MEX3D: variants seen among roughly 807,000 people sequenced by gnomAD.
The protein encoded by MEX3D is RNA-binding protein MEX3D.
Under a neutral mutation model 6.3 loss-of-function variants are expected in MEX3D, and 4 were observed. The ratio of observed to expected loss-of-function variants is 0.64; its 90% CI spans 0.31 to 1.46. The LOEUF (loss-of-function observed/expected upper bound fraction) is 1.46. Among genes scored for constraint, MEX3D ranks in the 40% most tolerant of loss-of-function variants. The pLI is 0.07. For synonymous variants in MEX3D, 626 were observed against 494.1 expected (o/e 1.27, Z -3.54); for missense variants, 1,038 against 994.4 (o/e 1.04, Z -0.59).
At chr19:1,558,760 C>CGCACCCTGACTCCAGATGCCT (rs1029247560) in intron 1 of MEX3D, among the ~76,000 whole-genome samples, 5 of 152,202 alleles carry the variant, frequency 3.3e-5, no homozygotes, top group Admixed American at 6.5e-5. Flanking sequence ...TGCAGACGCC[C>CGCACCCTGACTCCAGATGCCT]GCACCCTGAC....
In MEX3D at chr19:1,555,756, G is replaced by A. The variant is rs1477269109; in HGVS notation, c.1763C>T (p.Pro588Leu). The A allele has an allele frequency of 1.9e-5, 28 of 1,500,628 alleles. No individual in the cohort carries two copies. The highest frequency in any genetic ancestry group is 2.7e-5 in the East Asian group (1 of 37,314). 93.0% of individuals were successfully genotyped at this position (1,500,628 alleles called of 1,614,324 possible). Residue 588 changes from proline to leucine, a missense_variant, in exon 2 of 2, where the codon CCT becomes CTT. By Grantham distance (98) the Pro-to-Leu change is moderately conservative. Around this residue, in one of 5 missense-constraint regions of MEX3D, gnomAD observed 581 missense variants for 516.2 expected, o/e 1.13. Coordinates refer to ENST00000402693, the MANE Select transcript of MEX3D (RefSeq NM_203304.4). The part of the protein sequence containing the change: ...SGASENSRKP[P>L]SASSAPALAR... ...CAGGGCCGGGGCCGAGGACGCCGAA[G>A]GGGGCTTGCGGCTGTTCTCGGAGGC...
intron 1 of MEX3D, among the ~76,000 whole-genome samples, chr19:1,563,385 T>A (rs1418424600): frequency 6.6e-6 from 1 of 152,174 alleles, no homozygotes; most frequent in African/African-American, 2.4e-5. Context: ...CTGAGCAGCT[T>A]CCAGTCCAGG....
chr19:1,568,173 C>T lies in MEX3D; in HGVS notation c.-115G>A, dbSNP rs1599331015. On this transcript the variant is annotated 5_prime_UTR_variant, in exon 1 of 2. Transcript: ENST00000402693. ...GGCCGCCTGCATCCAGCGGCGGGGG[C>T]GGGCACGGGGGGCCGGGCGGGCGGG... 1 of 890,668 alleles carries T rather than the reference C, an allele frequency of 1.1e-6. No homozygotes were observed. The highest frequency in any genetic ancestry group is 5.3e-5 in the South Asian group (1 of 18,870). 55.2% of individuals were successfully genotyped at this position (890,668 alleles called of 1,614,324 possible). A position where few individuals can be genotyped will look rare whatever the true frequency, so the allele number is the denominator to read the frequency against.
chr19:1,556,311 TC>T lies in MEX3D; in HGVS notation c.1207del (p.Glu403ArgfsTer62). 1 of 1,319,376 alleles carries T rather than the reference TC, an allele frequency of 7.6e-7. No individual in the cohort carries two copies. The highest frequency in any genetic ancestry group is 9.6e-7 in the Non-Finnish European group (1 of 1,039,456). The allele number at this position is 1,319,376 out of a possible 1,614,324, so 81.7% of individuals were successfully genotyped here. ...GCCGCGGCTGCCCGCGTAGAAGGCC[TC>T]GGGGGCGCTGGGGGCGCCCAGGGCC... ...DTALGAPSAP[E>X]AFYAGSRGGP... is the part of the protein sequence containing the mutation. On this transcript the variant is annotated frameshift_variant, in exon 2 of 2. Coordinates refer to ENST00000402693, the MANE Select transcript of MEX3D (RefSeq NM_203304.4). LOFTEE classifies it low-confidence loss of function (END_TRUNC). The surrounding 1 kb of genome is among the most constrained non-coding windows in gnomAD (Gnocchi z 7.5).
chr19:1,564,732 T>C (rs1240435656), intron 1 of MEX3D, among the ~76,000 whole-genome samples: 2 of 151,778 alleles, frequency 1.3e-5, no homozygotes, highest in Admixed American at 1.3e-4. Context: ...GACTCTTGTC[T>C]AGGTGGGGAG....
chr19:1,555,200 G>A lies in MEX3D; in HGVS notation c.*363C>T. On this transcript the variant is annotated 3_prime_UTR_variant, in exon 2 of 2. Coordinates refer to ENST00000402693, the MANE Select transcript of MEX3D (RefSeq NM_203304.4). Reference sequence around the variant, plus strand: ...TTCGGACGAAAGGAAAAAACGCTGAGCGCTGGAAAAGTCGTGTTTTTTGTT... The same window carrying A: ...TTCGGACGAAAGGAAAAAACGCTGAACGCTGGAAAAGTCGTGTTTTTTGTT... 2.2e-6 allele frequency: 2 copies of A among 917,400 alleles called. No homozygotes were observed. The highest frequency in any genetic ancestry group is 1.7e-5 in the South Asian group (1 of 57,358). The allele number at this position is 917,400 out of a possible 1,614,324, so 56.8% of individuals were successfully genotyped here.
intron 1 of MEX3D, among the ~76,000 whole-genome samples, chr19:1,559,429 G>A (rs532508309): frequency 4.1e-4 from 62 of 152,066 alleles, no homozygotes; most frequent in Non-Finnish European, 7.1e-4. Flanking sequence ...CACCACGCCC[G>A]GCCTATTTTT....
At chr19:1,563,861 G>A (rs1305599336) in intron 1 of MEX3D, among the ~76,000 whole-genome samples, 1 of 152,124 alleles carries the variant, frequency 6.6e-6, no homozygotes, top group Admixed American at 6.5e-5. Flanking sequence ...AGACTGGAGA[G>A]CGGTGACAAG....
chr19:1,556,998 T>C lies in MEX3D; in HGVS notation c.596-75A>G. On this transcript the variant is annotated intron_variant, in intron 1 of 1. Transcript: ENST00000402693. The surrounding 1 kb of genome is among the most constrained non-coding windows in gnomAD (Gnocchi z 7.5). The stretch of plus-strand genomic sequence containing the variant: ...GCTCAGCCCCGCTGGGCATGCAGGC[T>C]GCAGGGCCAGTGAGGGAGCCCCTAC... 1 of 1,499,332 alleles carries C rather than the reference T, an allele frequency of 6.7e-7. No homozygotes were observed. Among genetic ancestry groups the C allele is most frequent in the Non-Finnish European group, 8.9e-7 (1 of 1,128,318 alleles). The allele number at this position is 1,499,332 out of a possible 1,614,324, so 92.9% of individuals were successfully genotyped here.
chr19:1,567,640 C>CGGG lies in MEX3D; in HGVS notation c.416_418dup (p.Pro139dup). On this transcript the variant is annotated inframe_insertion, in exon 1 of 2. Coordinates refer to ENST00000402693, the MANE Select transcript of MEX3D (RefSeq NM_203304.4). The surrounding 1 kb of genome is among the most constrained non-coding windows in gnomAD (Gnocchi z 6.5). Reference sequence around the variant, plus strand: ...CGCGAACACGTCGGGGGGCGACGGCCGGGGCGGCGGCGGCGGCGGGGGACT... The same window carrying CGGG: ...CGCGAACACGTCGGGGGGCGACGGCCGGGGGGGCGGCGGCGGCGGCGGGGGACT... 1 of 1,244,842 alleles carries CGGG rather than the reference C, an allele frequency of 8.0e-7. No homozygotes were observed. The highest frequency in any genetic ancestry group is 1.0e-6 in the Non-Finnish European group (1 of 987,958). 77.1% of individuals were successfully genotyped at this position (1,244,842 alleles called of 1,614,324 possible).
intron 1 of MEX3D, among the ~76,000 whole-genome samples, chr19:1,561,775 C>G (rs558898267): frequency 6.6e-6 from 1 of 152,234 alleles, no homozygotes; most frequent in South Asian, 2.1e-4. Flanking sequence ...TCCCGAGTAG[C>G]TGGGACTACA....
chr19:1,567,695 C>T lies in MEX3D; in HGVS notation c.364G>A (p.Gly122Arg). 2.7e-6 allele frequency: 3 copies of T among 1,092,756 alleles called. No individual in the cohort carries two copies. Among genetic ancestry groups the T allele is most frequent in the Middle Eastern group, 3.9e-4 (1 of 2,574 alleles). 67.7% of individuals were successfully genotyped at this position (1,092,756 alleles called of 1,614,324 possible). ...PPTLAPAVAP[G>R]SLPLLDPNAS... ...TTGGGGTCCAGCAGCGGCAGCGACC[C>T]GGGGGCCACGGCGGGGGCCAGGGTC... Residue 122 changes from glycine to arginine, a missense_variant, in exon 1 of 2, where the codon GGG (glycine) becomes AGG (arginine). By Grantham distance (125) the Gly-to-Arg change is moderately radical. Transcript: ENST00000402693. This position sits in a 1 kb window ranked among gnomAD's most constrained non-coding sequence, Gnocchi z 6.5.
chr19:1,561,673 T>TA (rs1293652967), intron 1 of MEX3D, among the ~76,000 whole-genome samples: 2 of 151,852 alleles, frequency 1.3e-5, no homozygotes, highest in Non-Finnish European at 1.5e-5. Context: ...CCTGTCTCTA[T>TA]AAAGGGTGTC....
At position 1,555,459 on chromosome 19, in the gene MEX3D, CCCCTCGCCCCCTCCCCGT is replaced by C; in HGVS notation, c.*86_*103del. The stretch of plus-strand genomic sequence containing the variant: ...CACCCCCCTGCCCCCTCGGCCTCCG[CCCCTCGCCCCCTCCCCGT>C]CCCTCTCCCACCCCGGGTCCCGCCC... On this transcript the variant is annotated 3_prime_UTR_variant, in exon 2 of 2. Transcript: ENST00000402693. 1 of 1,480,730 alleles carries C rather than the reference CCCCTCGCCCCCTCCCCGT, an allele frequency of 6.8e-7. No individual in the cohort carries two copies. The highest frequency in any genetic ancestry group is 1.3e-5 in the South Asian group (1 of 79,586). 91.7% of individuals were successfully genotyped at this position (1,480,730 alleles called of 1,614,324 possible).
Position 1,555,251 on chromosome 19 carries a change from G to C in MEX3D, c.*312C>G. ...TTGCTTTTTTAAAGATCACCCTGGA[G>C]GGGAGGGGTGTCTAAAAATAAGAAA... On this transcript the variant is annotated 3_prime_UTR_variant, in exon 2 of 2. Transcript: ENST00000402693. 3 of 1,406,974 alleles carry C rather than the reference G, an allele frequency of 2.1e-6. No homozygotes were observed. Among genetic ancestry groups the C allele is most frequent in the Non-Finnish European group, 2.9e-6 (3 of 1,032,590 alleles). 87.2% of individuals were successfully genotyped at this position (1,406,974 alleles called of 1,614,324 possible).
At chr19:1,565,050 C>T (rs1914806414) in intron 1 of MEX3D, among the ~76,000 whole-genome samples, 1 of 152,080 alleles carries the variant, frequency 6.6e-6, no homozygotes, top group African/African-American at 2.4e-5. Flanking sequence ...ACGCGCACTC[C>T]ACTTATGGGG....
chr19:1,564,880 G>A (rs1337573680), intron 1 of MEX3D, among the ~76,000 whole-genome samples: 1 of 152,060 alleles, frequency 6.6e-6, no homozygotes, highest in African/African-American at 2.4e-5. Flanking sequence ...GGGCACAAAG[G>A]ACATTGAAAG....
chr19:1,559,854 G>A (rs2145572350), intron 1 of MEX3D, among the ~76,000 whole-genome samples: 1 of 152,222 alleles, frequency 6.6e-6, no homozygotes, highest in East Asian at 1.9e-4. Flanking sequence ...CCCACTCGGA[G>A]GAGGACAGCA....
intron 1 of MEX3D, among the ~76,000 whole-genome samples, chr19:1,565,940 C>T (rs1487526047): frequency 2.0e-5 from 3 of 152,226 alleles, no homozygotes; most frequent in African/African-American, 7.2e-5. Flanking sequence ...AGGACAAGCG[C>T]GTTCACAAAG....
Sources: allele counts gnomAD v4.1 joint callset (sites outside exome capture counted in the v4.1 genomes callset), GRCh38; gene constraint gnomAD v4.1.1; regional missense constraint gnomAD v4.1.1; non-coding constraint Gnocchi (gnomAD v3.1); transcripts MANE v1.5; gene names NCBI Gene and HGNC (gene_info 2026-07-23, HGNC 2026-07-21).